Variants in PTPRO observed in about 807,000 individuals in gnomAD.
PTPRO encodes the protein protein tyrosine phosphatase receptor type O.
In PTPRO, 62 loss-of-function variants were observed where a neutral mutation model predicts 145.2. That is an observed-to-expected ratio of 0.43 (90% CI 0.35 to 0.53). PTPRO has a LOEUF of 0.53. PTPRO is among the 20% of genes least tolerant of loss of function. The probability of loss-of-function intolerance (pLI) is 0.01; values close to 1 mark genes in which losing one functional copy is unlikely to be tolerated. For missense variants in PTPRO, 1,345 were observed against 1,482.7 expected (o/e 0.91, Z 1.53); for synonymous variants, 565 against 514.7 (o/e 1.10, Z -1.32).
chr12:15,548,213 T>A (rs77727866), intron 13 of PTPRO, among the ~76,000 whole-genome samples: 6 of 149,996 alleles, frequency 4.0e-5, no homozygotes, highest in African/African-American at 1.5e-4. Context: ...AAAAAAAAAA[T>A]GCAAAATAAA....
At chr12:15,541,951 C>T (rs1943189165) in intron 12 of PTPRO, among the ~76,000 whole-genome samples, 1 of 151,872 alleles carries the variant, frequency 6.6e-6, no homozygotes, top group African/African-American at 2.4e-5. Flanking sequence ...GTGGAGTTTG[C>T]AGTGAGCCAA....
chr12:15,549,525 C>A (rs1943397446), intron 14 of PTPRO, among the ~76,000 whole-genome samples: 1 of 152,064 alleles, frequency 6.6e-6, no homozygotes, highest in African/African-American at 2.4e-5. Flanking sequence ...GCTAACTCAT[C>A]TCATCTTCTT....
rs193013909 is a variant in PTPRO at position 15,466,171 on chromosome 12, C to T, written c.76-17803C>T. Among the ~76,000 whole-genome samples, 402 of 151,906 alleles carry T rather than the reference C, an allele frequency of 2.6e-3. 1 individual carries two copies. Among genetic ancestry groups the T allele is most frequent in the African/African-American group, 9.5e-3 (392 of 41,422 alleles). Reference sequence around the variant, plus strand: ...TTTTTGTTCATTACTCTACATAATCCTGTTGTTTTCATAATTCTATTGTTT... The same window carrying T: ...TTTTTGTTCATTACTCTACATAATCTTGTTGTTTTCATAATTCTATTGTTT... On this transcript the variant is annotated intron_variant, in intron 1 of 26. Coordinates refer to ENST00000281171, the MANE Select transcript of PTPRO (RefSeq NM_030667.3).
intron 1 of PTPRO, among the ~76,000 whole-genome samples, chr12:15,424,977 C>T (rs2083927368): frequency 6.6e-6 from 1 of 152,000 alleles, no homozygotes; most frequent in Admixed American, 6.6e-5. Flanking sequence ...GTTATTTCAC[C>T]GCTATTTAAA....
At chr12:15,361,728 T>C (rs1334238347) in intron 1 of PTPRO, among the ~76,000 whole-genome samples, 8 of 152,178 alleles carry the variant, frequency 5.3e-5, no homozygotes, top group Admixed American at 3.3e-4. Flanking sequence ...GTTTGGCAAA[T>C]GTACAAAAAG....
intron 12 of PTPRO, among the ~76,000 whole-genome samples, chr12:15,530,240 T>C (rs1942933363): frequency 6.6e-6 from 1 of 152,174 alleles, no homozygotes; most frequent in Non-Finnish European, 1.5e-5. Flanking sequence ...TAAACATTAA[T>C]AGATCTAAAG....
At chr12:15,485,303 A>G (rs1591643380) in intron 2 of PTPRO, among the ~76,000 whole-genome samples, 1 of 152,174 alleles carries the variant, frequency 6.6e-6, no homozygotes, top group East Asian at 1.9e-4. Context: ...TTCAAAGTTT[A>G]TAGACATAAT....
chr12:15,595,080 C>A, intron 26 of PTPRO, 23 bp downstream of exon 26: 1 of 1,491,800 alleles, frequency 6.7e-7, no homozygotes. Context: ...GAGCTCTCCA[C>A]GAGTGCTCAG....
intron 12 of PTPRO, among the ~76,000 whole-genome samples, chr12:15,542,495 C>T (rs547148125): frequency 2.0e-5 from 3 of 152,348 alleles, no homozygotes; most frequent in African/African-American, 7.2e-5. Flanking sequence ...CTTGACTTCT[C>T]ATGAGAAGTG....
At chr12:15,424,281 A>G (rs973146947) in intron 1 of PTPRO, among the ~76,000 whole-genome samples, 2 of 152,150 alleles carry the variant, frequency 1.3e-5, no homozygotes, top group Non-Finnish European at 2.9e-5. Context: ...ACTGGAGTAA[A>G]AAGATGGAAA....
Position 15,322,610 on chromosome 12 carries a change from G to T in PTPRO, c.-117G>T. 2 of 856,460 alleles carry T rather than the reference G, an allele frequency of 2.3e-6. No homozygotes were observed. Among genetic ancestry groups the T allele is most frequent in the Non-Finnish European group, 1.9e-6 (1 of 516,454 alleles). 53.1% of individuals were successfully genotyped at this position (856,460 alleles called of 1,614,324 possible). A position where few individuals can be genotyped will look rare whatever the true frequency, so the allele number is the denominator to read the frequency against. ...GGGACTGGAAAGGCAGCATGCGCTC[G>T]CCAGGAGCAACCTCGGCGCCCAGGG... On this transcript the variant is annotated 5_prime_UTR_variant, in exon 1 of 27. Coordinates refer to ENST00000281171, the MANE Select transcript of PTPRO (RefSeq NM_030667.3). This position sits in a 1 kb window ranked among gnomAD's most constrained non-coding sequence, Gnocchi z 6.3.
chr12:15,347,443 T>C (rs1287772035), intron 1 of PTPRO, among the ~76,000 whole-genome samples: 1 of 152,208 alleles, frequency 6.6e-6, no homozygotes, highest in Admixed American at 6.5e-5. Context: ...TGTCTTATAT[T>C]CACTATTATC....
intron 15 of PTPRO, among the ~76,000 whole-genome samples, chr12:15,552,367 G>A (rs986918114): frequency 2.0e-5 from 3 of 152,082 alleles, no homozygotes; most frequent in African/African-American, 7.2e-5. Flanking sequence ...CTTGGTTTGG[G>A]AAATTTTGTT....
intron 2 of PTPRO, among the ~76,000 whole-genome samples, chr12:15,485,883 A>G (rs1361909676): frequency 6.6e-6 from 1 of 152,184 alleles, no homozygotes; most frequent in Non-Finnish European, 1.5e-5. Context: ...TTTTGCAGAC[A>G]TCTTTTTTCA....
intron 1 of PTPRO, among the ~76,000 whole-genome samples, chr12:15,469,594 G>A (rs1033670499): frequency 5.3e-5 from 8 of 152,122 alleles, no homozygotes; most frequent in African/African-American, 1.9e-4. Context: ...TCAAACAGGC[G>A]AGCTGTAAAA....
chr12:15,583,103 C>T (rs1944355425), intron 23 of PTPRO, among the ~76,000 whole-genome samples: 1 of 152,322 alleles, frequency 6.6e-6, no homozygotes, highest in Middle Eastern at 3.4e-3. Flanking sequence ...AAGGAAATAG[C>T]AAACTGTAGC....
intron 2 of PTPRO, among the ~76,000 whole-genome samples, chr12:15,489,100 G>C (rs1941948730): frequency 6.6e-6 from 1 of 152,118 alleles, no homozygotes; most frequent in East Asian, 1.9e-4. Flanking sequence ...TACATTCTCT[G>C]TGCCATGTCC....
chr12:15,566,357 G>C (rs1438547530), intron 18 of PTPRO, among the ~76,000 whole-genome samples: 1 of 152,134 alleles, frequency 6.6e-6, no homozygotes, highest in Non-Finnish European at 1.5e-5. Flanking sequence ...TGGCATCTAT[G>C]CTTATGGAAA....
chr12:15,532,951 T>C (rs181687382), intron 12 of PTPRO, among the ~76,000 whole-genome samples: 482 of 152,288 alleles, frequency 3.2e-3, no homozygotes, highest in Non-Finnish European at 5.1e-3. Flanking sequence ...CAGTCTCCCT[T>C]AAAATTTAAG....
Sources: gnomAD v4.1 joint callset for allele counts (sites outside exome capture counted in the v4.1 genomes callset) on GRCh38, gnomAD v4.1.1 for gene constraint, Gnocchi (gnomAD v3.1) non-coding constraint, MANE v1.5 for transcripts, NCBI Gene and HGNC (gene_info 2026-07-23, HGNC 2026-07-21) for gene names.